Variants in CXCL13 observed in about 807,000 individuals in gnomAD.
The protein encoded by CXCL13 is C-X-C motif chemokine 13.
A neutral mutation model predicts 12.2 loss-of-function variants in CXCL13; 7 were observed. The ratio of observed to expected loss-of-function variants is 0.57; its 90% CI spans 0.33 to 1.07. CXCL13 has a LOEUF of 1.07. CXCL13 is among the 50% of genes least tolerant of loss of function. CXCL13 has a pLI of 0.04. For synonymous variants in CXCL13, 47 were observed against 42.4 expected (o/e 1.11, Z -0.42); for missense variants, 113 against 127.4 (o/e 0.89, Z 0.55).
At chr4:77,537,259 G>C (rs546556909) in intron 1 of CXCL13, among the ~76,000 whole-genome samples, 1 of 152,314 alleles carries the variant, frequency 6.6e-6, no homozygotes, top group Admixed American at 6.5e-5. Flanking sequence ...AGAGTCATTG[G>C]CTAAACCTGG....
At chr4:77,601,687 C>T (rs1006508139), upstream of CXCL13, among the ~76,000 whole-genome samples, 3 of 152,184 alleles carry the variant, frequency 2.0e-5, no homozygotes, top group African/African-American at 4.8e-5. Flanking sequence ...ATGTACTTCA[C>T]GTTTTTGTGT....
intron 1 of CXCL13, among the ~76,000 whole-genome samples, chr4:77,524,848 C>T (rs1322485717): frequency 2.0e-4 from 30 of 152,162 alleles, no homozygotes. Flanking sequence ...ATTCAGCCAT[C>T]TTGGAACAGA....
At chr4:77,606,011 G>A (rs571750642) in intron 1 of CXCL13, 82 bp downstream of exon 1, 47 of 956,844 alleles carry the variant, frequency 4.9e-5, no homozygotes, top group Non-Finnish European at 6.6e-5. Flanking sequence ...ATTAAAAACC[G>A]CAGGGAAGTC....
intron 1 of CXCL13, among the ~76,000 whole-genome samples, chr4:77,588,095 C>T (rs1002087113): frequency 6.7e-6 from 1 of 148,708 alleles, no homozygotes; most frequent in Non-Finnish European, 1.5e-5. Context: ...GCTTCCTTTG[C>T]ATATCTTGAA....
intron 1 of CXCL13, among the ~76,000 whole-genome samples, chr4:77,517,325 A>C (rs1457151222): frequency 2.6e-5 from 4 of 152,100 alleles, no homozygotes; most frequent in Admixed American, 2.6e-4. Flanking sequence ...TGTTAGGTCC[A>C]CTTGGTGCAG....
chr4:77,563,144 C>T (rs891030328), intron 1 of CXCL13, among the ~76,000 whole-genome samples: 3 of 152,178 alleles, frequency 2.0e-5, no homozygotes. Flanking sequence ...AAGCTCCAAA[C>T]ACGTCAGAAC....
At chr4:77,519,130 G>A (rs1366231003) in intron 1 of CXCL13, among the ~76,000 whole-genome samples, 1 of 152,188 alleles carries the variant, frequency 6.6e-6, no homozygotes, top group East Asian at 1.9e-4. Context: ...CGTGAATGCT[G>A]CTGTCTGATC....
Position 77,544,731 on chromosome 4 carries a change from T to G in CXCL13, c.-43+32943T>G, listed in dbSNP as rs867489468. 1.2e-3 allele frequency among the ~76,000 whole-genome samples: 179 copies of G among 152,258 alleles called. 1 individual carries two copies. Among genetic ancestry groups the G allele is most frequent in the African/African-American group, 3.9e-3 (161 of 41,580 alleles). ...CTCTGATGGTAGTTTCTTTTGCTGT[T>G]CAGAAGCTCTTTAGTTTAATTAGAT... On this transcript the variant is annotated intron_variant, in intron 1 of 4. Coordinates refer to the CXCL13 transcript ENST00000286758.
At chr4:77,542,972 G>T (rs1725243129) in intron 1 of CXCL13, among the ~76,000 whole-genome samples, 1 of 152,056 alleles carries the variant, frequency 6.6e-6, no homozygotes, top group Non-Finnish European at 1.5e-5. Context: ...GTAGAATTTG[G>T]CCATGGACCC....
At chr4:77,572,637 T>C (rs1043968693) in intron 1 of CXCL13, among the ~76,000 whole-genome samples, 3 of 151,848 alleles carry the variant, frequency 2.0e-5, no homozygotes, top group Admixed American at 6.6e-5. Context: ...AAAGTGTTGT[T>C]AGGATAAATT....
intron 1 of CXCL13, among the ~76,000 whole-genome samples, chr4:77,525,291 C>A (rs943980445): frequency 3.9e-5 from 6 of 152,218 alleles, no homozygotes; most frequent in Non-Finnish European, 7.3e-5. Flanking sequence ...TTATTTTCTT[C>A]AAATAACCAG....
At chr4:77,588,975 T>C (rs538015102) in intron 1 of CXCL13, among the ~76,000 whole-genome samples, 1 of 152,356 alleles carries the variant, frequency 6.6e-6, no homozygotes, top group Admixed American at 6.5e-5. Context: ...TAGCCACTTC[T>C]ATTTTCACTC....
chr4:77,567,638 C>G (rs769215312), intron 1 of CXCL13, among the ~76,000 whole-genome samples: 46 of 152,170 alleles, frequency 3.0e-4, no homozygotes, highest in Non-Finnish European at 6.2e-4. Context: ...CAAAACCCAC[C>G]AAAACCAAGA....
chr4:77,605,922 A>G lies in CXCL13; in HGVS notation c.57A>G (p.Pro19=). The G allele has an allele frequency of 1.3e-6, 2 of 1,596,926 alleles. No individual in the cohort carries two copies. The highest frequency in any genetic ancestry group is 1.1e-5 in the South Asian group (1 of 88,610). Reference sequence around the variant, plus strand: ...TGCTGCTGGTCAGCAGCCTCTCTCCAGTCCAAGGTGAGAAATTTCATTTAC... The same window carrying G: ...TGCTGCTGGTCAGCAGCCTCTCTCCGGTCCAAGGTGAGAAATTTCATTTAC... ...LLMLLVSSLS[P]VQGVLEVYYT... Residue 19 remains proline, a synonymous_variant, in exon 1 of 4, where the codon CCA becomes CCG. Transcript: ENST00000682537.
chr4:77,567,571 A>G (rs1725968918), intron 1 of CXCL13, among the ~76,000 whole-genome samples: 1 of 152,176 alleles, frequency 6.6e-6, no homozygotes, highest in Admixed American at 6.5e-5. Context: ...TTGGTTTTAC[A>G]AGGTACAGGT....
At chr4:77,570,441 G>T (rs912477437) in intron 1 of CXCL13, among the ~76,000 whole-genome samples, 1 of 152,186 alleles carries the variant, frequency 6.6e-6, no homozygotes, top group East Asian at 1.9e-4. Context: ...ACTAAAAAGT[G>T]GGCAAAGGGC....
chr4:77,525,260 T>C (rs1724733761), intron 1 of CXCL13, among the ~76,000 whole-genome samples: 1 of 152,240 alleles, frequency 6.6e-6, no homozygotes, highest in Non-Finnish European at 1.5e-5. Context: ...CGACTGACTG[T>C]TGATGTGTGT....
At chr4:77,541,273 CA>C (rs1725200723) in intron 1 of CXCL13, among the ~76,000 whole-genome samples, 1 of 152,084 alleles carries the variant, frequency 6.6e-6, no homozygotes, top group African/African-American at 2.4e-5. Flanking sequence ...TCCCAGTTGT[CA>C]ATTTTTATTT....
chr4:77,565,711 T>G (rs1367810744), intron 1 of CXCL13, among the ~76,000 whole-genome samples: 3 of 152,078 alleles, frequency 2.0e-5, no homozygotes, highest in Non-Finnish European at 2.9e-5. Context: ...CGTCTAGTAG[T>G]AAAAGGACCT....
Sources: gnomAD v4.1 joint callset for allele counts (sites outside exome capture counted in the v4.1 genomes callset) on GRCh38, gnomAD v4.1.1 for gene constraint, MANE v1.5 for transcripts, NCBI Gene and HGNC (gene_info 2026-07-23, HGNC 2026-07-21) for gene names.